SLC4A7: variants seen among roughly 807,000 people sequenced by gnomAD.
SLC4A7 encodes sodium bicarbonate cotransporter 3.
SLC4A7 carries 51 observed loss-of-function variants against 137.6 expected under a neutral mutation model. The observed-to-expected ratio is 0.37, with a 90% confidence interval of 0.30 to 0.47. The LOEUF (loss-of-function observed/expected upper bound fraction) is 0.47, where lower values mean the gene tolerates loss of function less well. Ranked by LOEUF, SLC4A7 falls within the 20% of genes least tolerant of loss-of-function variation. SLC4A7 has a pLI of 1.00. For synonymous variants in SLC4A7, 542 were observed against 518.6 expected, an observed-to-expected ratio of 1.05 and a Z score of -0.61; for missense variants, 1,247 against 1,525.4, an observed-to-expected ratio of 0.82 and a Z score of 3.04.
At chr3:27,466,462 G>T (rs912267532) in intron 1 of SLC4A7, among the ~76,000 whole-genome samples, 4 of 139,162 alleles carry the variant, frequency 2.9e-5, no homozygotes, top group African/African-American at 1.1e-4. Flanking sequence ...AAAAAAAAAA[G>T]AAAAAGAAAA....
chr3:27,376,913 CAAT>C (rs2049944536), intron 25 of SLC4A7, 68 bp from the exon 26 acceptor site: 4 of 728,656 alleles, frequency 5.5e-6, no homozygotes, highest in Non-Finnish European at 8.3e-6. Flanking sequence ...ACATGGCTAA[CAAT>C]GAGTATACTA....
intron 14 of SLC4A7, among the ~76,000 whole-genome samples, chr3:27,404,054 A>G (rs1481041521): frequency 2.0e-5 from 3 of 152,230 alleles, no homozygotes; most frequent in Non-Finnish European, 4.4e-5. Flanking sequence ...TAAAATATAC[A>G]AACTTCATTT....
chr3:27,405,458 C>T (rs2053246694), intron 13 of SLC4A7, among the ~76,000 whole-genome samples: 1 of 152,148 alleles, frequency 6.6e-6, no homozygotes, highest in African/African-American at 2.4e-5. Flanking sequence ...CATACTAGGG[C>T]TTCAACTTTA....
chr3:27,395,121 A>T lies in SLC4A7; in HGVS notation c.2704-6T>A, dbSNP rs2052001962. ...CCTCTCTCTGGATGAGTAGGCTGTTAAAAAATTAAATATAATTTTCAAAAA... is the reference window on the plus strand; with the variant it reads ...CCTCTCTCTGGATGAGTAGGCTGTTTAAAAATTAAATATAATTTTCAAAAA... On this transcript the variant is annotated splice_polypyrimidine_tract_variant and splice_region_variant and intron_variant, in intron 18 of 25. Transcript: ENST00000454389. 2 of 1,561,880 alleles carry T rather than the reference A, an allele frequency of 1.3e-6. No individual in the cohort carries two copies. Among genetic ancestry groups the T allele is most frequent in the Non-Finnish European group, 8.6e-7 (1 of 1,162,060 alleles).
At chr3:27,416,775 G>A (rs2054428597) in intron 11 of SLC4A7, among the ~76,000 whole-genome samples, 1 of 152,096 alleles carries the variant, frequency 6.6e-6, no homozygotes, top group Non-Finnish European at 1.5e-5. Context: ...CAAGAAACAT[G>A]TAAATTATAA....
chr3:27,446,940 G>A (rs1394637309), intron 3 of SLC4A7, among the ~76,000 whole-genome samples: 3 of 140,604 alleles, frequency 2.1e-5, no homozygotes, highest in Non-Finnish European at 4.5e-5. Flanking sequence ...CTAGAGTGCA[G>A]TGGCACAATC....
chr3:27,441,329 T>C (rs2150444054), intron 3 of SLC4A7, among the ~76,000 whole-genome samples: 1 of 152,334 alleles, frequency 6.6e-6, no homozygotes, highest in Non-Finnish European at 1.5e-5. Context: ...GCTGGATTCA[T>C]TAACAAAATT....
chr3:27,476,051 A>G lies in SLC4A7; in HGVS notation c.60+8016T>C, dbSNP rs2059448142. Among the ~76,000 whole-genome samples the G allele has an allele frequency of 2.0e-5, 3 of 152,236 alleles. No individual in the cohort carries two copies. The South Asian group carries it at 6.2e-4, about 31-fold the overall frequency. On this transcript the variant is annotated intron_variant, in intron 1 of 25. Transcript: ENST00000454389. ...ATACATATAACGGCTGACATCTGGA[A>G]TCTGAAATTGCTTGTCATTGGTGGT...
At chr3:27,442,441 CTTTT>C (rs68093589) in intron 3 of SLC4A7, among the ~76,000 whole-genome samples, 7 of 136,050 alleles carry the variant, frequency 5.1e-5, no homozygotes, top group Non-Finnish European at 8.0e-5. Flanking sequence ...AGCTCATTTT[CTTTT>C]TTTTTTTTTT....
intron 12 of SLC4A7, 121 bp downstream of exon 12, chr3:27,411,521 T>C (rs61505035): frequency 0.014 from 5,539 of 390,218 alleles, 281 homozygotes; most frequent in African/African-American, 0.11. Context: ...TAATGCACAT[T>C]TTTATACATA....
chr3:27,472,548 G>C (rs1299470804), intron 1 of SLC4A7, among the ~76,000 whole-genome samples: 1 of 152,094 alleles, frequency 6.6e-6, no homozygotes, highest in Non-Finnish European at 1.5e-5. Flanking sequence ...GTGATATAAA[G>C]TGTATAATTT....
chr3:27,429,723 C>T (rs544498239), intron 7 of SLC4A7, among the ~76,000 whole-genome samples: 21 of 151,902 alleles, frequency 1.4e-4, no homozygotes, highest in East Asian at 9.7e-4. Context: ...TAGTGGCACG[C>T]GCCGTAATCC....
intron 10 of SLC4A7, among the ~76,000 whole-genome samples, chr3:27,420,082 G>A (rs142495604): frequency 9.2e-5 from 14 of 151,738 alleles, no homozygotes; most frequent in Admixed American, 7.2e-4. Context: ...CCAGCTACTC[G>A]GGAGGCTGAG....
chr3:27,432,098 CA>C (rs2056358694), intron 6 of SLC4A7, among the ~76,000 whole-genome samples: 1 of 152,016 alleles, frequency 6.6e-6, no homozygotes, highest in African/African-American at 2.4e-5. Context: ...TACATTTTAC[CA>C]AACAGCTACA....
intron 2 of SLC4A7, among the ~76,000 whole-genome samples, chr3:27,450,759 CCT>C (rs1452954803): frequency 1.3e-5 from 2 of 151,992 alleles, no homozygotes; most frequent in Admixed American, 6.6e-5. Context: ...CCTCTAGTGT[CCT>C]CTGTTTTAAT....
chr3:27,473,786 T>C (rs546227129), intron 1 of SLC4A7, among the ~76,000 whole-genome samples: 44 of 151,806 alleles, frequency 2.9e-4, no homozygotes, highest in Middle Eastern at 3.4e-3. Context: ...TTCTCGAAAT[T>C]TGTGAACATC....
At chr3:27,457,291 A>G (rs1398382379) in intron 1 of SLC4A7, among the ~76,000 whole-genome samples, 1 of 152,192 alleles carries the variant, frequency 6.6e-6, no homozygotes, top group African/African-American at 2.4e-5. Context: ...TAACATTTTA[A>G]TGAAAATAAC....
chr3:27,427,279 GA>G (rs999090139), intron 7 of SLC4A7, among the ~76,000 whole-genome samples: 1 of 150,376 alleles, frequency 6.6e-6, no homozygotes, highest in Non-Finnish European at 1.5e-5. Context: ...CACTGAGTTA[GA>G]AAAAGGTATT....
Position 27,404,943 on chromosome 3 carries a change from A to G in SLC4A7, c.1962T>C (p.Phe654=). The G allele has an allele frequency of 6.2e-7, 1 of 1,603,504 alleles. No homozygotes were observed. Among genetic ancestry groups the G allele is most frequent in the African/African-American group, 1.4e-5 (1 of 74,034 alleles). ...AGGCAATCCCAGTTAATGATGCTCC[A>G]AAAAGAGACTCTATTGCACTCTGTT... ...EGRISAIESL[F]GASLTGIAYS... Residue 654 remains phenylalanine (F), a synonymous_variant, in exon 14 of 26, where the codon TTT becomes TTC. Coordinates refer to ENST00000454389, the MANE Select transcript of SLC4A7 (RefSeq NM_001321103.2).
Sources: allele counts gnomAD v4.1 joint callset (sites outside exome capture counted in the v4.1 genomes callset), GRCh38; gene constraint gnomAD v4.1.1; transcripts MANE v1.5; gene names NCBI Gene and HGNC (gene_info 2026-07-23, HGNC 2026-07-21).